Variants in CHD1 observed in about 807,000 individuals in gnomAD.
The protein encoded by CHD1 is chromodomain helicase DNA binding protein 1.
Under a neutral mutation model 224.2 loss-of-function variants are expected in CHD1, and 36 were observed. The ratio of observed to expected loss-of-function variants is 0.16; its 90% CI spans 0.12 to 0.21. The LOEUF is 0.21. Among genes scored for constraint, CHD1 ranks in the 10% least tolerant of loss-of-function variants. The pLI, the probability that CHD1 is intolerant of heterozygous loss-of-function variation, is 1.00. For missense variants in CHD1, 1,378 were observed against 1,994.8 expected (o/e 0.69, Z 5.89); for synonymous variants, 668 against 658.3 (o/e 1.01, Z -0.23).
chr5:98,893,663 TC>T, intron 13 of CHD1, 57 bp from the exon 14 acceptor site: 2 of 1,032,632 alleles, frequency 1.9e-6, no homozygotes, highest in Non-Finnish European at 2.9e-6. Context: ...AATTTAGCCT[TC>T]CCATTTAATC....
In CHD1 at chr5:98,854,416, A is replaced by C. The variant is rs1211683879; in HGVS notation, c.*1964T>G. 1 of 152,110 alleles carries C rather than the reference A, an allele frequency of 6.6e-6. No individual in the cohort carries two copies. The allele number at this position is 152,110 out of a possible 1,614,324, so 9.4% of individuals were successfully genotyped here. On this transcript the variant is annotated 3_prime_UTR_variant, in exon 36 of 36. Transcript: ENST00000614616. Reference sequence around the variant, plus strand: ...AATGCCAGCCACCATCTTATGACTTAAGCATTATGAATTAGTCAAATGCTA... The same window carrying C: ...AATGCCAGCCACCATCTTATGACTTCAGCATTATGAATTAGTCAAATGCTA...
intron 2 of CHD1, among the ~76,000 whole-genome samples, chr5:98,907,635 C>T (rs1349634824): frequency 6.9e-6 from 1 of 145,652 alleles, no homozygotes; most frequent in Non-Finnish European, 1.5e-5. Context: ...ATCTTATTTA[C>T]TGCTATAGAA....
chr5:98,917,614 C>A (rs1442297499), intron 2 of CHD1, among the ~76,000 whole-genome samples: 13 of 152,138 alleles, frequency 8.5e-5, no homozygotes, highest in Non-Finnish European at 1.9e-4. Flanking sequence ...TGGAGTCATT[C>A]TCATTAAGAA....
At position 98,882,008 on chromosome 5, in the gene CHD1, T is replaced by C; in HGVS notation, c.2834A>G (p.Lys945Arg). The C allele has an allele frequency of 6.2e-7, 1 of 1,613,854 alleles. No homozygotes were observed. Reference protein sequence around the residue: ...LVIQRMDTTGKTVLHTGSAPS... With the variant: ...LVIQRMDTTGRTVLHTGSAPS... ...GGCAGAACCTGTATGTAGTACTGTC[T>C]TCCCAGTTGTGTCCATTCTTTGAAT... Residue 945 changes from lysine (K) to arginine (R), a missense_variant, in exon 20 of 36, where the codon AAG (lysine) becomes AGG (arginine). This residue lies in a region of CHD1 where 286 missense variants were observed against 445.1 expected (regional missense o/e 0.64). Transcript: ENST00000614616.
At position 98,898,774 on chromosome 5, in the gene CHD1, T is replaced by C. The variant is rs754631872; in HGVS notation, c.1086-10A>G. The C allele has an allele frequency of 1.2e-5, 17 of 1,452,128 alleles. No individual in the cohort carries two copies. The highest frequency in any genetic ancestry group is 1.6e-5 in the Non-Finnish European group (17 of 1,037,654). The allele number at this position is 1,452,128 out of a possible 1,614,324, so 90.0% of individuals were successfully genotyped here. A position where few individuals can be genotyped will look rare whatever the true frequency, so the allele number is the denominator to read the frequency against. ...AGAGGCATTTTTCAACCTGAAAAATTATTAATCCAGGAATAGACTTAAAAA... is the reference window on the plus strand; with the variant it reads ...AGAGGCATTTTTCAACCTGAAAAATCATTAATCCAGGAATAGACTTAAAAA... On this transcript the variant is annotated splice_polypyrimidine_tract_variant and intron_variant, in intron 8 of 35. Coordinates refer to ENST00000614616, the MANE Select transcript of CHD1 (RefSeq NM_001270.4).
chr5:98,873,575 C>T lies in CHD1; in HGVS notation c.3571+18G>A, dbSNP rs758143706. 3.2e-6 allele frequency: 5 copies of T among 1,549,512 alleles called. No individual in the cohort carries two copies. Among genetic ancestry groups the T allele is most frequent in the Non-Finnish European group, 3.5e-6 (4 of 1,150,268 alleles). ...TTTCATTTACTTCTCTTTTAAATCA[C>T]TCTCAGTTTAATGTTACCTGTTCGT... On this transcript the variant is annotated intron_variant, in intron 26 of 35. Coordinates refer to ENST00000614616, the MANE Select transcript of CHD1 (RefSeq NM_001270.4).
intron 22 of CHD1, among the ~76,000 whole-genome samples, chr5:98,880,346 T>C (rs1750083573): frequency 6.6e-6 from 1 of 152,220 alleles, no homozygotes; most frequent in African/African-American, 2.4e-5. Flanking sequence ...CCCCCTGCTA[T>C]AGCTCTTTCC....
At chr5:98,922,392 T>C (rs1258400906) in intron 2 of CHD1, among the ~76,000 whole-genome samples, 2 of 152,200 alleles carry the variant, frequency 1.3e-5, no homozygotes, top group Non-Finnish European at 1.5e-5. Context: ...AGCAATAGCA[T>C]AGCAAAAGAG....
chr5:98,888,074 A>G lies in CHD1; in HGVS notation c.2496+14T>C, dbSNP rs774961308. 1 of 1,516,588 alleles carries G rather than the reference A, an allele frequency of 6.6e-7. No homozygotes were observed. The highest frequency in any genetic ancestry group is 1.2e-5 in the South Asian group (1 of 80,102). The allele number at this position is 1,516,588 out of a possible 1,614,324, so 93.9% of individuals were successfully genotyped here. A position where few individuals can be genotyped will look rare whatever the true frequency, so the allele number is the denominator to read the frequency against. On this transcript the variant is annotated intron_variant, in intron 17 of 35. Transcript: ENST00000614616. ...AGATAAAATTTAAAACAACAAATAC[A>G]ATTAAATGCTTACTTGAAAGGGGAA...
rs1008539082 is a variant in CHD1, at chr5:98,901,096, A to G, written c.588-14T>C. 3.2e-6 allele frequency: 5 copies of G among 1,568,700 alleles called. No homozygotes were observed. The African/African-American group carries it at 5.6e-5, about 17-fold the overall frequency. On this transcript the variant is annotated splice_polypyrimidine_tract_variant and intron_variant, in intron 6 of 35. Transcript: ENST00000614616. ...TTTGACTTAGATCTAGGAAAGTGCAAAGAGAAAAAAAAACAAGATTTGAGA... is the reference window on the plus strand; with the variant it reads ...TTTGACTTAGATCTAGGAAAGTGCAGAGAGAAAAAAAAACAAGATTTGAGA...
intron 2 of CHD1, among the ~76,000 whole-genome samples, chr5:98,909,514 A>G (rs1327450252): frequency 6.6e-6 from 1 of 152,084 alleles, no homozygotes; most frequent in African/African-American, 2.4e-5. Flanking sequence ...CATACCTAGC[A>G]TTTTTAGCAG....
intron 2 of CHD1, among the ~76,000 whole-genome samples, chr5:98,925,574 T>C (rs1040348687): frequency 2.0e-5 from 3 of 152,234 alleles, no homozygotes; most frequent in Admixed American, 1.3e-4. Context: ...ATAATGCATA[T>C]AACTACATGG....
At chr5:98,921,573 A>G (rs571006646) in intron 2 of CHD1, among the ~76,000 whole-genome samples, 8 of 152,314 alleles carry the variant, frequency 5.3e-5, no homozygotes, top group African/African-American at 1.7e-4. Flanking sequence ...GTAGTTTTAA[A>G]TATTTCCCAT....
At chr5:98,897,947 T>G (rs1440520628) in intron 10 of CHD1, among the ~76,000 whole-genome samples, 1 of 152,056 alleles carries the variant, frequency 6.6e-6, no homozygotes, top group Non-Finnish European at 1.5e-5. Context: ...TTCCTGACAA[T>G]CACCATAACC....
At position 98,900,936 on chromosome 5, in the gene CHD1, T is replaced by C; in HGVS notation, c.734A>G (p.Asp245Gly). ...ATCAGAATCTGTTTTCATTTCTTCA[T>C]CCTCCTTATAGCTAACATTAACAGT... ...QATVNVSYKE[D>G]EEMKTDSDDL... The change falls in exon 7 of 36, where the codon GAT becomes GGT. Residue 245 changes from aspartate (D) to glycine (G), a missense_variant. Physicochemically the swap from Asp to Gly is moderately conservative, Grantham distance 94 (BLOSUM62 -1). This residue lies in a region of CHD1 where 306 missense variants were observed against 298.1 expected (regional missense o/e 1.03). Transcript: ENST00000614616. The C allele has an allele frequency of 6.2e-7, 1 of 1,614,078 alleles. No homozygotes were observed. Among genetic ancestry groups the C allele is most frequent in the Non-Finnish European group, 8.5e-7 (1 of 1,180,002 alleles).
chr5:98,880,987 G>T, intron 22 of CHD1, 89 bp downstream of exon 22: 3 of 784,212 alleles, frequency 3.8e-6, no homozygotes, highest in Non-Finnish European at 6.5e-6. Flanking sequence ...TCCTGATTAT[G>T]CTTAAAGAAA....
chr5:98,863,967 G>A (rs954959250), intron 31 of CHD1, among the ~76,000 whole-genome samples: 1 of 152,062 alleles, frequency 6.6e-6, no homozygotes, highest in African/African-American at 2.4e-5. Context: ...ACTAAATACA[G>A]GGTAAAATGA....
intron 18 of CHD1, among the ~76,000 whole-genome samples, chr5:98,885,346 T>C (rs1393600721): frequency 6.6e-6 from 1 of 152,138 alleles, no homozygotes; most frequent in East Asian, 1.9e-4. Context: ...GAGTTGAGAT[T>C]GTGCCACTGC....
At chr5:98,922,860 A>G (rs1243730613) in intron 2 of CHD1, among the ~76,000 whole-genome samples, 1 of 152,098 alleles carries the variant, frequency 6.6e-6, no homozygotes, top group Non-Finnish European at 1.5e-5. Context: ...GCAGTGGTGC[A>G]TGCCTGTAGT....
Sources: allele counts gnomAD v4.1 joint callset (sites outside exome capture counted in the v4.1 genomes callset), GRCh38; gene constraint gnomAD v4.1.1; regional missense constraint gnomAD v4.1.1; transcripts MANE v1.5; gene names NCBI Gene and HGNC (gene_info 2026-07-23, HGNC 2026-07-21).